Variants in PIAS1 observed in about 807,000 individuals in gnomAD.
PIAS1 encodes the protein E3 SUMO-protein ligase PIAS1.
A neutral mutation model predicts 71.3 loss-of-function variants in PIAS1; 6 were observed. The observed-to-expected ratio is 0.08, with a 90% confidence interval of 0.05 to 0.17. The LOEUF is 0.17. PIAS1 is among the 10% of genes least tolerant of loss of function. PIAS1 has a pLI of 1.00. For missense variants in PIAS1, 555 were observed against 793.6 expected, an observed-to-expected ratio of 0.70 and a Z score of 3.61; for synonymous variants, 303 against 292.9, an observed-to-expected ratio of 1.03 and a Z score of -0.35.
At chr15:68,074,300 C>G (rs977055453) in intron 1 of PIAS1, among the ~76,000 whole-genome samples, 13 of 152,054 alleles carry the variant, frequency 8.5e-5, no homozygotes, top group African/African-American at 3.1e-4. Flanking sequence ...TAGAGTTTAT[C>G]TCTACTTTTT....
chr15:68,147,098 T>C (rs937174457), intron 6 of PIAS1, among the ~76,000 whole-genome samples: 7 of 152,200 alleles, frequency 4.6e-5, no homozygotes, highest in Non-Finnish European at 8.8e-5. Flanking sequence ...TAACTTTGCA[T>C]GCATATGATA....
chr15:68,100,766 C>G (rs1254764856), intron 2 of PIAS1, among the ~76,000 whole-genome samples: 1 of 152,166 alleles, frequency 6.6e-6, no homozygotes, highest in African/African-American at 2.4e-5. Flanking sequence ...ATTTTACATT[C>G]CTAGCAGCCA....
intron 6 of PIAS1, among the ~76,000 whole-genome samples, chr15:68,149,359 T>A (rs1455487799): frequency 6.6e-6 from 1 of 151,410 alleles, no homozygotes; most frequent in Non-Finnish European, 1.5e-5. Context: ...CATTCTTTCT[T>A]CCAGATAAAG....
intron 11 of PIAS1, among the ~76,000 whole-genome samples, chr15:68,177,049 G>A (rs1368945735): frequency 2.0e-5 from 3 of 152,062 alleles, no homozygotes; most frequent in African/African-American, 7.2e-5. Context: ...GGAGGCTGAG[G>A]CAGGTGGATT....
rs573482209 is a variant in PIAS1, at chr15:68,181,195, A to T, written c.1482-17A>T. On this transcript the variant is annotated splice_polypyrimidine_tract_variant and intron_variant, in intron 11 of 13. Coordinates refer to ENST00000249636, the MANE Select transcript of PIAS1 (RefSeq NM_016166.3). ...TAACTGGCTAATGAAAACTATGCCAATCTTTCCTTCTTCCAGCATTTTAAG... is the reference window on the plus strand; with the variant it reads ...TAACTGGCTAATGAAAACTATGCCATTCTTTCCTTCTTCCAGCATTTTAAG... The T allele has an allele frequency of 6.6e-5, 107 of 1,611,006 alleles. No homozygotes were observed. In the South Asian group the frequency reaches 1.0e-3, roughly 16 times the overall value.
At chr15:68,093,084 C>T (rs768709938) in intron 2 of PIAS1, among the ~76,000 whole-genome samples, 4 of 152,178 alleles carry the variant, frequency 2.6e-5, no homozygotes, top group Non-Finnish European at 5.9e-5. Context: ...AGCAAGAAGA[C>T]TTAAAGGCTT....
chr15:68,088,176 G>GTATATATATGTATATATA (rs2092301189), intron 2 of PIAS1, among the ~76,000 whole-genome samples: 1 of 73,008 alleles, frequency 1.4e-5, no homozygotes, highest in Non-Finnish European at 2.5e-5. Flanking sequence ...TTATGTGTGT[G>GTATATATATGTATATATA]TATATATATA....
intron 1 of PIAS1, chr15:68,055,751 A>T (rs530056466): frequency 1.9e-6 from 1 of 529,864 alleles, no homozygotes; most frequent in South Asian, 3.0e-5. Flanking sequence ...TATAATAAAT[A>T]AAAATTATTT....
At chr15:68,070,754 TA>T (rs376755393) in intron 1 of PIAS1, among the ~76,000 whole-genome samples, 1 of 152,336 alleles carries the variant, frequency 6.6e-6, no homozygotes, top group African/African-American at 2.4e-5. Context: ...TTGGATTAAG[TA>T]AATATATATC....
At chr15:68,158,301 C>T (rs2092904221) in intron 7 of PIAS1, among the ~76,000 whole-genome samples, 1 of 152,170 alleles carries the variant, frequency 6.6e-6, no homozygotes, top group Admixed American at 6.5e-5. Context: ...CTTCACATTC[C>T]ATTCCAAAAA....
At chr15:68,065,172 A>G (rs1001406186) in intron 1 of PIAS1, among the ~76,000 whole-genome samples, 1 of 152,198 alleles carries the variant, frequency 6.6e-6, no homozygotes, top group African/African-American at 2.4e-5. Flanking sequence ...CAAGAGTCCC[A>G]AGAGCAAAAA....
At position 68,142,424 on chromosome 15, in the gene PIAS1, C is replaced by T. The variant is rs567078372; in HGVS notation, c.602+87C>T. 29 of 1,005,862 alleles carry T rather than the reference C, an allele frequency of 2.9e-5. No homozygotes were observed. The South Asian group carries it at 3.8e-4, about 13-fold the overall frequency. The allele number at this position is 1,005,862 out of a possible 1,614,324, so 62.3% of individuals were successfully genotyped here. A position where few individuals can be genotyped will look rare whatever the true frequency, so the allele number is the denominator to read the frequency against. ...GGGTCCAGTTAAGGTACAGTGCTGA[C>T]TGTAGGATATATTCAAAGTTTAAAA... On this transcript the variant is annotated intron_variant, in intron 4 of 13. Transcript: ENST00000249636.
At position 68,178,425 on chromosome 15, in the gene PIAS1, C is replaced by A. The variant is rs193102201; in HGVS notation, c.1481+1771C>A. 1.3e-5 allele frequency among the ~76,000 whole-genome samples: 2 copies of A among 152,308 alleles called. No homozygotes were observed. The highest frequency in any genetic ancestry group is 3.9e-4 in the East Asian group (2 of 5,192). On this transcript the variant is annotated intron_variant, in intron 11 of 13. Transcript: ENST00000249636. This position sits in a 1 kb window ranked among gnomAD's most constrained non-coding sequence, Gnocchi z 4.2. The stretch of plus-strand genomic sequence containing the variant: ...TAAGCACAAATCCTACTGTTATGAA[C>A]ATGACCTCTGATAAAAGCCTATCTT...
At chr15:68,096,969 A>G (rs1451546411) in intron 2 of PIAS1, among the ~76,000 whole-genome samples, 1 of 152,184 alleles carries the variant, frequency 6.6e-6, no homozygotes, top group Non-Finnish European at 1.5e-5. Flanking sequence ...AAGTGGCAAG[A>G]ATTGCCTTGT....
chr15:68,070,089 AG>A (rs2140964054), intron 1 of PIAS1, among the ~76,000 whole-genome samples: 1 of 152,302 alleles, frequency 6.6e-6, no homozygotes, highest in Non-Finnish European at 1.5e-5. Context: ...GAGTTATTGT[AG>A]GAAGTTTGAT....
intron 6 of PIAS1, 45 bp downstream of exon 6, chr15:68,146,745 G>GCA (rs759611738): frequency 3.5e-6 from 5 of 1,432,644 alleles, no homozygotes; most frequent in Admixed American, 3.5e-5. Context: ...TTATAAGGAG[G>GCA]GGTTAATCAC....
intron 1 of PIAS1, among the ~76,000 whole-genome samples, chr15:68,070,334 TTGAAA>T (rs1259303881): frequency 2.6e-5 from 4 of 152,230 alleles, no homozygotes; most frequent in Admixed American, 6.5e-5. Flanking sequence ...AATTGAATTC[TTGAAA>T]TGAAGCAAGT....
chr15:68,066,383 A>C (rs570922021), intron 1 of PIAS1, among the ~76,000 whole-genome samples: 116 of 152,286 alleles, frequency 7.6e-4, no homozygotes, highest in African/African-American at 2.7e-3. Flanking sequence ...TGCTGGGATT[A>C]CAGGTGTGAG....
rs576718462 is a variant in PIAS1, at chr15:68,193,751, A to G, written c.*5916A>G. The G allele has an allele frequency of 2.7e-5, 10 of 372,722 alleles. No homozygotes were observed. Among genetic ancestry groups the G allele is most frequent in the Non-Finnish European group, 3.4e-5 (7 of 203,534 alleles). The allele number at this position is 372,722 out of a possible 1,614,324, so 23.1% of individuals were successfully genotyped here. ...GAGCCAGGACTGGAACCCAGGCCAG[A>G]CTCCAAACCGCAGGCTCCTTCCATG... On this transcript the variant is annotated 3_prime_UTR_variant, in exon 14 of 14. Transcript: ENST00000249636.
Sources: allele counts gnomAD v4.1 joint callset (sites outside exome capture counted in the v4.1 genomes callset), GRCh38; gene constraint gnomAD v4.1.1; non-coding constraint Gnocchi (gnomAD v3.1); transcripts MANE v1.5; gene names NCBI Gene and HGNC (gene_info 2026-07-23, HGNC 2026-07-21).